Variants in JAK1 observed in about 807,000 individuals in gnomAD.
The protein encoded by JAK1 is Janus kinase 1.
A neutral mutation model predicts 136.6 loss-of-function variants in JAK1; 16 were observed. The observed-to-expected ratio is 0.12, with a 90% CI of 0.08 to 0.18. The LOEUF (loss-of-function observed/expected upper bound fraction) is 0.18. Among genes scored for constraint, JAK1 ranks in the 10% least tolerant of loss-of-function variants. The probability of loss-of-function intolerance (pLI) is 1.00; values close to 1 mark genes in which losing one functional copy is unlikely to be tolerated. For missense variants in JAK1, 859 were observed against 1,450.1 expected, an observed-to-expected ratio of 0.59 and a Z score of 6.62; for synonymous variants, 492 against 519.5, an observed-to-expected ratio of 0.95 and a Z score of 0.72.
chr1:64,876,404 G>A (rs1570687269), intron 4 of JAK1: 1 of 152,188 alleles, frequency 6.6e-6, no homozygotes, highest in South Asian at 2.1e-4. Context: ...AAGCCTTTAG[G>A]TCAGATACTC....
intron 1 of JAK1, among the ~76,000 whole-genome samples, chr1:64,946,747 C>T (rs541279422): frequency 0.022 from 3,020 of 138,568 alleles, 117 homozygotes; most frequent in African/African-American, 0.088. Flanking sequence ...AGGGTCTCAA[C>T]GAGATATTTG....
intron 10 of JAK1, among the ~76,000 whole-genome samples, chr1:64,856,342 TAGG>T (rs1489067872): frequency 6.6e-6 from 1 of 152,210 alleles, no homozygotes; most frequent in Non-Finnish European, 1.5e-5. Flanking sequence ...AGCTGTAAAC[TAGG>T]AGATGATATT....
chr1:65,019,222 A>G (rs1224816681), intron 2 of JAK1, among the ~76,000 whole-genome samples: 1 of 152,160 alleles, frequency 6.6e-6, no homozygotes, highest in Non-Finnish European at 1.5e-5. Context: ...CAAACTCATA[A>G]GACACTAAAA....
chr1:64,844,941 T>C lies in JAK1; in HGVS notation c.2116-52A>G, dbSNP rs535151234. On this transcript the variant is annotated intron_variant, in intron 15 of 24. Coordinates refer to ENST00000342505, the MANE Select transcript of JAK1 (RefSeq NM_002227.4). This position sits in a 1 kb window ranked among gnomAD's most constrained non-coding sequence, Gnocchi z 5.7. ...CCAAGCTGCTCCTTCCCGCATTCTA[T>C]TTCCAACCCTGGTCCCTCAGGTCAT... 3.1e-5 allele frequency: 50 copies of C among 1,611,766 alleles called. No homozygotes were observed. The highest frequency in any genetic ancestry group is 1.7e-4 in the Middle Eastern group (1 of 6,046).
intron 6 of JAK1, among the ~76,000 whole-genome samples, chr1:64,868,647 C>T (rs1196167135): frequency 3.9e-5 from 6 of 152,088 alleles, no homozygotes; most frequent in Admixed American, 6.6e-5. Context: ...AATGAGAAGA[C>T]GCACGCCGCC....
intron 2 of JAK1, among the ~76,000 whole-genome samples, chr1:64,978,624 G>C (rs1056616543): frequency 2.0e-5 from 3 of 152,146 alleles, no homozygotes; most frequent in African/African-American, 7.2e-5. Context: ...GTGAGCCCAA[G>C]GATGCTTTAC....
chr1:64,869,182 AG>A (rs1162378038), intron 6 of JAK1, 128 bp downstream of exon 6: 1 of 756,990 alleles, frequency 1.3e-6, no homozygotes, highest in Non-Finnish European at 2.2e-6. Flanking sequence ...AAACATTCTA[AG>A]GAAGATCTGG....
chr1:65,053,549 C>T (rs1647390027), intron 1 of JAK1, among the ~76,000 whole-genome samples: 1 of 152,062 alleles, frequency 6.6e-6, no homozygotes, highest in South Asian at 2.1e-4. Flanking sequence ...GAAATATACT[C>T]ACTTAAGAAC....
chr1:65,058,571 G>A (rs1647652342), intron 1 of JAK1: 1 of 516,498 alleles, frequency 1.9e-6, no homozygotes, highest in Non-Finnish European at 4.0e-6. Context: ...TCTCTCTGAA[G>A]GCTCCCCATG....
intron 6 of JAK1, among the ~76,000 whole-genome samples, chr1:64,867,709 G>T (rs758811113): frequency 2.5e-4 from 38 of 152,174 alleles, no homozygotes; most frequent in Admixed American, 4.6e-4. Flanking sequence ...GAGAAAGAAA[G>T]GCTGGGGGCG....
At chr1:64,920,727 C>T (rs2100365913) in intron 1 of JAK1, among the ~76,000 whole-genome samples, 1 of 152,298 alleles carries the variant, frequency 6.6e-6, no homozygotes, top group South Asian at 2.1e-4. Context: ...TCAAGGAACC[C>T]TTCTGGCCCT....
In JAK1 at chr1:64,842,233, A is replaced by G. The variant is rs371508145; in HGVS notation, c.2404-632T>C. ...CAAACAGGCTGGAAGACAAAATGCC[A>G]AAGTGTTAACAGTGGTCAGGGATGA... On this transcript the variant is annotated intron_variant, in intron 17 of 24. Transcript: ENST00000342505. Among the ~76,000 whole-genome samples the G allele has an allele frequency of 6.5e-4, 99 of 152,368 alleles. No individual in the cohort carries two copies. The South Asian group carries it at 0.02, about 31-fold the overall frequency.
intron 2 of JAK1, among the ~76,000 whole-genome samples, chr1:65,033,308 C>T (rs917285864): frequency 1.1e-4 from 17 of 152,076 alleles, no homozygotes; most frequent in Admixed American, 8.5e-4. Flanking sequence ...GTGTGCCCAA[C>T]ATAATAATAA....
intron 10 of JAK1, among the ~76,000 whole-genome samples, chr1:64,856,134 A>G (rs908864612): frequency 6.6e-6 from 1 of 152,238 alleles, no homozygotes; most frequent in Admixed American, 6.5e-5. Context: ...TTCTCAAGGA[A>G]CAGCCTCAAA....
chr1:64,875,505 A>G (rs1657347021), intron 4 of JAK1, among the ~76,000 whole-genome samples: 1 of 152,230 alleles, frequency 6.6e-6, no homozygotes, highest in African/African-American at 2.4e-5. Flanking sequence ...TACTGAACAC[A>G]TGCTTGATAG....
intron 1 of JAK1, among the ~76,000 whole-genome samples, chr1:65,062,272 C>T (rs1442004754): frequency 6.6e-6 from 1 of 152,190 alleles, no homozygotes; most frequent in Non-Finnish European, 1.5e-5. Context: ...TTTTGCTCTA[C>T]ATCACATTTC....
intron 7 of JAK1, among the ~76,000 whole-genome samples, chr1:64,865,906 C>T (rs538968728): frequency 2.6e-5 from 4 of 152,022 alleles, no homozygotes; most frequent in African/African-American, 7.3e-5. Flanking sequence ...ACCACAGGCA[C>T]GTGCCACCAC....
Position 65,062,620 on chromosome 1 carries a change from T to A in JAK1, c.-181+4984A>T, listed in dbSNP as rs182478785. 5.3e-3 allele frequency among the ~76,000 whole-genome samples: 800 copies of A among 152,308 alleles called. 9 individuals carry two copies. The highest frequency in any genetic ancestry group is 0.018 in the African/African-American group (730 of 41,566). ...AGCTTCTATTCCTACATCTGTAAAA[T>A]GAACACATTTCTACTAACTAGTAAC... is the stretch of plus-strand genomic sequence containing the variant. On this transcript the variant is annotated intron_variant, in intron 1 of 25. Transcript: ENST00000671954.
chr1:64,952,677 AG>A (rs1646112796), intron 1 of JAK1, among the ~76,000 whole-genome samples: 2 of 152,220 alleles, frequency 1.3e-5, no homozygotes, highest in Non-Finnish European at 2.9e-5. Flanking sequence ...CAAAGACAGA[AG>A]AAAAAGGAGT....
Sources: gnomAD v4.1 joint callset for allele counts (sites outside exome capture counted in the v4.1 genomes callset) on GRCh38, gnomAD v4.1.1 for gene constraint, Gnocchi (gnomAD v3.1) non-coding constraint, MANE v1.5 for transcripts, NCBI Gene and HGNC (gene_info 2026-07-23, HGNC 2026-07-21) for gene names.